Variants in D2HGDH observed in about 807,000 individuals in gnomAD.
D2HGDH encodes the protein D-2-hydroxyglutarate dehydrogenase.
A neutral mutation model predicts 46.9 loss-of-function variants in D2HGDH; 31 were observed. That is an observed-to-expected ratio of 0.66 (90% confidence interval 0.50 to 0.89). D2HGDH has a LOEUF of 0.89. Among genes scored for constraint, D2HGDH ranks in the 40% least tolerant of loss-of-function variants. The pLI, the probability that D2HGDH is intolerant of heterozygous loss-of-function variation, is 0.00. For missense variants in D2HGDH, 698 were observed against 720.8 expected (o/e 0.97, Z 0.36); for synonymous variants, 364 against 332.6 (o/e 1.09, Z -1.03).
intron 8 of D2HGDH, among the ~76,000 whole-genome samples, chr2:241,754,025 C>A (rs1218085676): frequency 6.6e-6 from 1 of 152,186 alleles, no homozygotes; most frequent in Non-Finnish European, 1.5e-5. Context: ...GGGAGCAGAA[C>A]GTCTGGTGCA....
intron 6 of D2HGDH, chr2:241,749,090 C>T (rs1156258979): frequency 2.0e-6 from 2 of 1,015,738 alleles, no homozygotes; most frequent in Non-Finnish European, 2.4e-6. Flanking sequence ...CTCCTGCTCT[C>T]CTGCAGCTGG....
chr2:241,742,645 C>G lies in D2HGDH; in HGVS notation c.490+71C>G, dbSNP rs139728644. ...TGGTGGAGTTCTTCCTTGCCAGCGT[C>G]TGCAACTGTGGGGTGCTTGGGTGGG... On this transcript the variant is annotated intron_variant, in intron 4 of 9. Transcript: ENST00000321264. The surrounding 1 kb of genome is among the most constrained non-coding windows in gnomAD (Gnocchi z 4.8). 173 of 1,593,206 alleles carry G rather than the reference C, an allele frequency of 1.1e-4. No individual in the cohort carries two copies. In the African/African-American group the frequency reaches 1.9e-3, roughly 18 times the overall value.
chr2:241,748,265 C>T (rs1436726818), intron 6 of D2HGDH, among the ~76,000 whole-genome samples: 4 of 152,226 alleles, frequency 2.6e-5, no homozygotes, highest in Middle Eastern at 3.4e-3. Context: ...GGATTACAGG[C>T]GCCCACCATC....
intron 6 of D2HGDH, among the ~76,000 whole-genome samples, chr2:241,745,774 C>A (rs1199386579): frequency 2.0e-5 from 3 of 152,172 alleles, no homozygotes; most frequent in Non-Finnish European, 4.4e-5. Context: ...TCACTTCTGG[C>A]GTGTCTGAAA....
At chr2:241,738,382 G>A (rs1693516153) in intron 2 of D2HGDH, among the ~76,000 whole-genome samples, 1 of 152,242 alleles carries the variant, frequency 6.6e-6, no homozygotes, top group African/African-American at 2.4e-5. Context: ...TACAAAATGG[G>A]ACTTGGAGCC....
intron 6 of D2HGDH, 97 bp from the exon 7 acceptor site, chr2:241,750,054 C>T (rs1696866081): frequency 3.2e-6 from 5 of 1,585,644 alleles, no homozygotes; most frequent in Non-Finnish European, 3.4e-6. Flanking sequence ...AGCTCACCCA[C>T]CCACATGAGT....
intron 5 of D2HGDH, among the ~76,000 whole-genome samples, chr2:241,744,149 T>G (rs1320539930): frequency 6.6e-6 from 1 of 152,120 alleles, no homozygotes; most frequent in African/African-American, 2.4e-5. Context: ...TTCGTGACCT[T>G]CTGCTGCCCA....
intron 8 of D2HGDH, among the ~76,000 whole-genome samples, chr2:241,754,096 G>T (rs1474762228): frequency 6.6e-6 from 1 of 152,266 alleles, no homozygotes; most frequent in African/African-American, 2.4e-5. Flanking sequence ...CAGAGATGGT[G>T]GGTGTGGAGC....
intron 2 of D2HGDH, 33 bp downstream of exon 2, chr2:241,735,549 G>C (rs775897459): frequency 3.8e-6 from 6 of 1,597,460 alleles, no homozygotes; most frequent in Non-Finnish European, 5.1e-6. Flanking sequence ...CGGCGTTTCC[G>C]CGTCCCTGCT....
rs374535734 is a variant in D2HGDH, at chr2:241,744,721, G to A, written c.697G>A (p.Gly233Ser). The A allele has an allele frequency of 2.1e-5, 34 of 1,614,112 alleles. No individual in the cohort carries two copies. The highest frequency in any genetic ancestry group is 2.5e-5 in the Non-Finnish European group (30 of 1,180,046). ...VLGLEVVLADGTVLDCLTSLR... is the reference protein window; with the variant it reads ...VLGLEVVLADSTVLDCLTSLR... ...TCTTTGCCCCAAGGTGCTGGCCGAC[G>A]GCACTGTCCTGGACTGCCTGACCTC... The change falls in exon 6 of 10, where the codon GGC becomes AGC. Residue 233 changes from glycine (G) to serine (S), a missense_variant. Physicochemically the swap from Gly to Ser is moderately conservative, Grantham distance 56. Transcript: ENST00000321264.
chr2:241,743,531 T>A lies in D2HGDH; in HGVS notation c.491-91T>A. On this transcript the variant is annotated intron_variant, in intron 4 of 9. Transcript: ENST00000321264. The surrounding 1 kb of genome is among the most constrained non-coding windows in gnomAD (Gnocchi z 4.8). ...CGCTGAGGCTGATGTTCCTTCTGGGTGGCTTGCCTGTGCAAGATGGGGGTT... is the reference window on the plus strand; with the variant it reads ...CGCTGAGGCTGATGTTCCTTCTGGGAGGCTTGCCTGTGCAAGATGGGGGTT... 1 of 1,433,922 alleles carries A rather than the reference T, an allele frequency of 7.0e-7. No individual in the cohort carries two copies. The highest frequency in any genetic ancestry group is 9.5e-7 in the Non-Finnish European group (1 of 1,048,172). The allele number at this position is 1,433,922 out of a possible 1,614,324, so 88.8% of individuals were successfully genotyped here.
intron 6 of D2HGDH, among the ~76,000 whole-genome samples, chr2:241,746,155 T>A (rs1695808490): frequency 6.6e-6 from 1 of 152,220 alleles, no homozygotes; most frequent in Non-Finnish European, 1.5e-5. Context: ...TCCTCTCCTT[T>A]TGGGACTGTG....
chr2:241,738,796 G>A lies in D2HGDH; in HGVS notation c.293-2237G>A, dbSNP rs535256353. 1.1e-4 allele frequency among the ~76,000 whole-genome samples: 17 copies of A among 152,346 alleles called. No homozygotes were observed. The East Asian group carries it at 1.2e-3, about 10-fold the overall frequency. Reference sequence around the variant, plus strand: ...CTGCTGCCCCGAGTTTGGTGAGGGCGAGGCTGAATTTCACTCATGTTTGAG... The same window carrying A: ...CTGCTGCCCCGAGTTTGGTGAGGGCAAGGCTGAATTTCACTCATGTTTGAG... On this transcript the variant is annotated intron_variant, in intron 2 of 9. Coordinates refer to ENST00000321264, the MANE Select transcript of D2HGDH (RefSeq NM_152783.5).
intron 6 of D2HGDH, among the ~76,000 whole-genome samples, chr2:241,748,317 T>C (rs894087609): frequency 1.3e-5 from 2 of 152,074 alleles, no homozygotes; most frequent in African/African-American, 2.4e-5. Context: ...GACAGGGTTT[T>C]GCCATGTTGG....
chr2:241,735,598 G>A (rs534087124), intron 2 of D2HGDH, 82 bp downstream of exon 2: 132 of 1,563,926 alleles, frequency 8.4e-5, no homozygotes, highest in Middle Eastern at 4.4e-4. Context: ...AGCGGGCTGA[G>A]AACAACCTGG....
intron 6 of D2HGDH, chr2:241,748,797 C>T: frequency 8.7e-7 from 1 of 1,148,824 alleles, no homozygotes; most frequent in Non-Finnish European, 1.1e-6. Flanking sequence ...GCGGCAGTGC[C>T]ATCTGGATCG....
At chr2:241,740,973 C>A in intron 2 of D2HGDH, 60 bp from the exon 3 acceptor site, 3 of 1,417,584 alleles carry the variant, frequency 2.1e-6, no homozygotes, top group Non-Finnish European at 3.0e-6. Context: ...GGGCGAGTGA[C>A]CACTTGCCTC....
intron 6 of D2HGDH, 140 bp from the exon 7 acceptor site, chr2:241,750,011 C>A (rs1696854834): frequency 1.3e-5 from 16 of 1,251,836 alleles, no homozygotes; most frequent in Non-Finnish European, 1.8e-5. Flanking sequence ...CTGTTTGTTG[C>A]AGTGCCAGTC....
chr2:241,739,102 C>T (rs937901227), intron 2 of D2HGDH, among the ~76,000 whole-genome samples: 27 of 152,240 alleles, frequency 1.8e-4, no homozygotes, highest in Non-Finnish European at 2.8e-4. Flanking sequence ...CGGCCTTGCC[C>T]CCATGGCCCC....
Sources: gnomAD v4.1 joint callset for allele counts (sites outside exome capture counted in the v4.1 genomes callset) on GRCh38, gnomAD v4.1.1 for gene constraint, Gnocchi (gnomAD v3.1) non-coding constraint, MANE v1.5 for transcripts, NCBI Gene and HGNC (gene_info 2026-07-23, HGNC 2026-07-21) for gene names.